ASTN2: variants seen among roughly 807,000 people sequenced by gnomAD.
ASTN2 encodes astrotactin 2.
ASTN2 carries 54 observed loss-of-function variants against 139.8 expected under a neutral mutation model. That is an observed-to-expected ratio of 0.39 (90% CI 0.31 to 0.48). ASTN2 has a LOEUF of 0.48. ASTN2 is among the 20% of genes least tolerant of loss of function. The probability of loss-of-function intolerance (pLI) is 0.95; values close to 1 mark genes in which losing one functional copy is unlikely to be tolerated. For missense variants in ASTN2, 1,565 were observed against 1,725.1 expected, an observed-to-expected ratio of 0.91 and a Z score of 1.64; for synonymous variants, 756 against 719.5, an observed-to-expected ratio of 1.05 and a Z score of -0.81.
At chr9:117,037,231 A>G (rs1308938343) in intron 6 of ASTN2, among the ~76,000 whole-genome samples, 1 of 152,094 alleles carries the variant, frequency 6.6e-6, no homozygotes, top group Non-Finnish European at 1.5e-5. Context: ...TTTTAAGTTT[A>G]TGACATTGGG....
chr9:117,114,969 C>G (rs1829341581), intron 4 of ASTN2, among the ~76,000 whole-genome samples: 1 of 152,116 alleles, frequency 6.6e-6, no homozygotes, highest in South Asian at 2.1e-4. Context: ...CTCAGTTGAG[C>G]CTTCAGATGA....
intron 19 of ASTN2, among the ~76,000 whole-genome samples, chr9:116,505,556 T>C (rs1305128261): frequency 6.6e-6 from 1 of 152,166 alleles, no homozygotes; most frequent in African/African-American, 2.4e-5. Flanking sequence ...ATAAGAAGTA[T>C]TACCATTTTA....
intron 17 of ASTN2, among the ~76,000 whole-genome samples, chr9:116,647,665 A>G (rs1857667234): frequency 6.6e-6 from 1 of 152,176 alleles, no homozygotes; most frequent in Non-Finnish European, 1.5e-5. Flanking sequence ...GCAGATGAGG[A>G]CAGTGTGGCC....
At chr9:117,400,771 C>T (rs1830807055) in intron 1 of ASTN2, among the ~76,000 whole-genome samples, 1 of 152,108 alleles carries the variant, frequency 6.6e-6, no homozygotes, top group South Asian at 2.1e-4. Context: ...CTCCTAGGAT[C>T]ACTTAGTTTA....
At chr9:117,223,233 G>A (rs1832587056) in intron 2 of ASTN2, among the ~76,000 whole-genome samples, 1 of 152,068 alleles carries the variant, frequency 6.6e-6, no homozygotes, top group Non-Finnish European at 1.5e-5. Context: ...CTCAACTGGT[G>A]GCAATTTTGC....
chr9:116,508,719 G>A (rs563182404), intron 19 of ASTN2, among the ~76,000 whole-genome samples: 10 of 152,274 alleles, frequency 6.6e-5, no homozygotes, highest in African/African-American at 2.4e-4. Context: ...GGAATATGCA[G>A]AATTACTATA....
At chr9:117,347,289 G>C (rs1829248748) in intron 1 of ASTN2, among the ~76,000 whole-genome samples, 1 of 152,040 alleles carries the variant, frequency 6.6e-6, no homozygotes, top group African/African-American at 2.4e-5. Flanking sequence ...TTCCTTCATA[G>C]ATACATTATA....
At chr9:116,762,597 T>G (rs1480557104) in intron 13 of ASTN2, among the ~76,000 whole-genome samples, 2 of 152,256 alleles carry the variant, frequency 1.3e-5, no homozygotes, top group Admixed American at 6.5e-5. Flanking sequence ...CATTTTTTAT[T>G]GCCTGGAAAA....
intron 1 of ASTN2, among the ~76,000 whole-genome samples, chr9:117,333,931 C>A (rs1828794835): frequency 6.6e-6 from 1 of 152,182 alleles, no homozygotes; most frequent in Admixed American, 6.5e-5. Flanking sequence ...GTGCACTCCT[C>A]TTGTCCAGAT....
intron 10 of ASTN2, among the ~76,000 whole-genome samples, chr9:116,960,446 G>T (rs1015226593): frequency 2.0e-5 from 3 of 147,788 alleles, no homozygotes; most frequent in Non-Finnish European, 3.0e-5. Flanking sequence ...AAAGAATGTG[G>T]GTTTGAAATC....
chr9:116,423,988 A>C lies in ASTN2; in HGVS notation c.*1863T>G, dbSNP rs2118786295. 6.6e-6 allele frequency among the ~76,000 whole-genome samples: 1 copy of C among 152,206 alleles called. No individual in the cohort carries two copies. Among genetic ancestry groups the C allele is most frequent in the African/African-American group, 2.4e-5 (1 of 41,530 alleles). On this transcript the variant is annotated 3_prime_UTR_variant, in exon 23 of 23. Transcript: ENST00000313400. ...ATTCAGTATCTTTTCCTCTTCTGAAACCCCACAGTGCTACACTCTCTTCTC... is the reference window on the plus strand; with the variant it reads ...ATTCAGTATCTTTTCCTCTTCTGAACCCCCACAGTGCTACACTCTCTTCTC...
intron 4 of ASTN2, among the ~76,000 whole-genome samples, chr9:117,116,269 T>C (rs1285100659): frequency 6.6e-6 from 1 of 152,104 alleles, no homozygotes; most frequent in African/African-American, 2.4e-5. Flanking sequence ...GGAAAGATGA[T>C]CACACACAAG....
At chr9:117,283,295 G>C (rs534190055) in intron 2 of ASTN2, among the ~76,000 whole-genome samples, 1 of 152,182 alleles carries the variant, frequency 6.6e-6, no homozygotes, top group East Asian at 1.9e-4. Context: ...CCTAGCTAGA[G>C]ACCCTGCAGG....
At chr9:116,843,545 G>A (rs1334514425) in intron 11 of ASTN2, among the ~76,000 whole-genome samples, 2 of 151,950 alleles carry the variant, frequency 1.3e-5, no homozygotes, top group South Asian at 2.1e-4. Flanking sequence ...TGTAATCTCA[G>A]GTACTCGGGA....
intron 10 of ASTN2, among the ~76,000 whole-genome samples, chr9:116,890,023 A>C (rs942624810): frequency 1.3e-5 from 2 of 152,220 alleles, no homozygotes; most frequent in African/African-American, 4.8e-5. Context: ...TTATTTTTCC[A>C]GATAATGCTA....
intron 16 of ASTN2, among the ~76,000 whole-genome samples, chr9:116,666,899 C>A (rs1237987525): frequency 1.3e-5 from 2 of 150,872 alleles, no homozygotes; most frequent in Non-Finnish European, 3.0e-5. Flanking sequence ...TAAAAGAACA[C>A]CATATAGACA....
At chr9:116,515,744 G>T in intron 19 of ASTN2, among the ~76,000 whole-genome samples, 1 of 152,206 alleles carries the variant, frequency 6.6e-6, no homozygotes, top group African/African-American at 2.4e-5. Context: ...AGTGACCCAA[G>T]AAGTTTTCAT....
intron 11 of ASTN2, among the ~76,000 whole-genome samples, chr9:116,848,895 G>A (rs1449366758): frequency 6.6e-6 from 1 of 152,150 alleles, no homozygotes; most frequent in Non-Finnish European, 1.5e-5. Flanking sequence ...CCATAAGACT[G>A]CCTCCAATTT....
At chr9:116,736,981 C>T (rs1407366151) in intron 13 of ASTN2, among the ~76,000 whole-genome samples, 1 of 152,142 alleles carries the variant, frequency 6.6e-6, no homozygotes, top group Non-Finnish European at 1.5e-5. Flanking sequence ...TGGCTCAGGA[C>T]ACCCCTTCTC....
Sources: gnomAD v4.1 joint callset for allele counts (sites outside exome capture counted in the v4.1 genomes callset) on GRCh38, gnomAD v4.1.1 for gene constraint, MANE v1.5 for transcripts, NCBI Gene and HGNC (gene_info 2026-07-23, HGNC 2026-07-21) for gene names.